OPCML: variants seen among roughly 807,000 people sequenced by gnomAD.
OPCML encodes opioid binding protein/cell adhesion molecule like.
In OPCML, 13 loss-of-function variants were observed where a neutral mutation model predicts 37.8. The ratio of observed to expected loss-of-function variants is 0.34; its 90% CI spans 0.22 to 0.55. The LOEUF (loss-of-function observed/expected upper bound fraction) is 0.55, where lower values mean the gene tolerates loss of function less well. Ranked by LOEUF, OPCML falls within the 20% of genes least tolerant of loss-of-function variation. The pLI is 0.91. For missense variants in OPCML, 341 were observed against 435.6 expected (o/e 0.78, Z 1.93); for synonymous variants, 176 against 168.8 (o/e 1.04, Z -0.33).
At chr11:133,531,586 G>A (rs1363975533) in intron 1 of OPCML, among the ~76,000 whole-genome samples, 1 of 152,140 alleles carries the variant, frequency 6.6e-6, no homozygotes, top group African/African-American at 2.4e-5. Flanking sequence ...AGAAAGGACG[G>A]CAGGCAGTAG....
intron 1 of OPCML, among the ~76,000 whole-genome samples, chr11:133,451,009 A>G (rs1479328089): frequency 6.6e-6 from 1 of 151,788 alleles, no homozygotes; most frequent in Non-Finnish European, 1.5e-5. Flanking sequence ...CTATGTAATC[A>G]ACACATATGT....
chr11:132,671,262 C>T (rs1046649986), intron 2 of OPCML, among the ~76,000 whole-genome samples: 1 of 152,072 alleles, frequency 6.6e-6, no homozygotes, highest in Non-Finnish European at 1.5e-5. Context: ...ATAAGCCAAT[C>T]ATCTTTTCCA....
At chr11:133,107,387 C>G (rs1057075460) in intron 1 of OPCML, among the ~76,000 whole-genome samples, 1 of 152,172 alleles carries the variant, frequency 6.6e-6, no homozygotes, top group African/African-American at 2.4e-5. Flanking sequence ...GCTTTTCAAA[C>G]GACAAAATGC....
At chr11:133,196,225 C>G (rs1411637820) in intron 1 of OPCML, among the ~76,000 whole-genome samples, 1 of 152,154 alleles carries the variant, frequency 6.6e-6, no homozygotes, top group Non-Finnish European at 1.5e-5. Flanking sequence ...TCCTGGACTC[C>G]CTAAATCGAT....
chr11:132,762,839 T>G (rs1461939358), intron 2 of OPCML, among the ~76,000 whole-genome samples: 1 of 152,064 alleles, frequency 6.6e-6, no homozygotes, highest in Non-Finnish European at 1.5e-5. Context: ...GTCTCACTGG[T>G]GTTCCACGTG....
chr11:132,828,491 G>A (rs1940496478), intron 2 of OPCML, among the ~76,000 whole-genome samples: 1 of 152,070 alleles, frequency 6.6e-6, no homozygotes, highest in Non-Finnish European at 1.5e-5. Context: ...GTGTGAGGAA[G>A]GAGGCTATAA....
At chr11:133,043,743 A>G (rs543142401) in intron 1 of OPCML, among the ~76,000 whole-genome samples, 4 of 152,272 alleles carry the variant, frequency 2.6e-5, no homozygotes, top group Admixed American at 2.6e-4. Flanking sequence ...AAAGTGCAGG[A>G]AAAAAAGGGG....
chr11:132,627,886 G>A (rs1348211184), intron 3 of OPCML, among the ~76,000 whole-genome samples: 2 of 152,168 alleles, frequency 1.3e-5, no homozygotes, highest in Admixed American at 1.3e-4. Context: ...TAAGACTAAG[G>A]TAGTGTTTTG....
At chr11:132,996,746 C>A (rs1946896220) in intron 1 of OPCML, among the ~76,000 whole-genome samples, 1 of 151,956 alleles carries the variant, frequency 6.6e-6, no homozygotes, top group Admixed American at 6.6e-5. Flanking sequence ...CTGGCACAAA[C>A]AGCTCCATGG....
chr11:132,668,488 ACAGTGC>A (rs1482932851), intron 2 of OPCML, among the ~76,000 whole-genome samples: 1 of 152,184 alleles, frequency 6.6e-6, no homozygotes, highest in African/African-American at 2.4e-5. Flanking sequence ...ATGGCATTAC[ACAGTGC>A]TATTATGAGG....
intron 2 of OPCML, among the ~76,000 whole-genome samples, chr11:132,899,495 T>C (rs1487713378): frequency 2.0e-5 from 3 of 152,194 alleles, no homozygotes; most frequent in Non-Finnish European, 4.4e-5. Flanking sequence ...TTCAGTTGTA[T>C]GCAGATAGTT....
At chr11:133,413,831 T>A (rs984427854) in intron 1 of OPCML, among the ~76,000 whole-genome samples, 1 of 152,138 alleles carries the variant, frequency 6.6e-6, no homozygotes, top group Non-Finnish European at 1.5e-5. Context: ...GCTGATAAAG[T>A]TCCTTGCACC....
At chr11:132,551,433 C>A (rs565010384) in intron 3 of OPCML, among the ~76,000 whole-genome samples, 3 of 152,156 alleles carry the variant, frequency 2.0e-5, no homozygotes, top group Non-Finnish European at 4.4e-5. Context: ...CAGGGCAAAT[C>A]CCTTTCTTGC....
At chr11:132,441,672 G>A (rs2096036018) in intron 4 of OPCML, among the ~76,000 whole-genome samples, 1 of 152,204 alleles carries the variant, frequency 6.6e-6, no homozygotes. Flanking sequence ...CTGAATCACT[G>A]GAAGAAATAT....
At chr11:132,427,095 C>T (rs1028833697) in intron 7 of OPCML, among the ~76,000 whole-genome samples, 2 of 152,058 alleles carry the variant, frequency 1.3e-5, no homozygotes, top group Non-Finnish European at 2.9e-5. Flanking sequence ...CAACCATAAA[C>T]TATATAGCTG....
Position 133,513,118 on chromosome 11 carries a change from A to C in OPCML, c.61+19146T>G, listed in dbSNP as rs1469896299. On this transcript the variant is annotated intron_variant, in intron 1 of 7. Transcript: ENST00000524381. ...TCCCTGGGAGTAAACACAACAGAAG[A>C]ATATGAAGAGAGATGCACCATGCCT... 2.0e-5 allele frequency among the ~76,000 whole-genome samples: 3 copies of C among 152,180 alleles called. No individual in the cohort carries two copies. The East Asian group carries it at 5.8e-4, about 29-fold the overall frequency.
At chr11:133,343,382 A>T (rs570017637) in intron 1 of OPCML, among the ~76,000 whole-genome samples, 1 of 152,322 alleles carries the variant, frequency 6.6e-6, no homozygotes, top group South Asian at 2.1e-4. Context: ...CTCATTAGAT[A>T]AAAAATTAAT....
intron 3 of OPCML, among the ~76,000 whole-genome samples, chr11:132,653,285 G>A (rs925825711): frequency 2.6e-5 from 4 of 152,144 alleles, no homozygotes; most frequent in Non-Finnish European, 5.9e-5. Flanking sequence ...AGTTTCCTGT[G>A]GACAGTGCCT....
At chr11:133,002,861 G>A (rs996502817) in intron 1 of OPCML, among the ~76,000 whole-genome samples, 11 of 152,080 alleles carry the variant, frequency 7.2e-5, no homozygotes, top group African/African-American at 2.4e-4. Context: ...ACTCAACTTT[G>A]CACAATGCTG....
Sources: allele counts gnomAD v4.1 joint callset (sites outside exome capture counted in the v4.1 genomes callset), GRCh38; gene constraint gnomAD v4.1.1; transcripts MANE v1.5; gene names NCBI Gene and HGNC (gene_info 2026-07-23, HGNC 2026-07-21).